The following MVB12B variants were observed in gnomAD, a reference collection of about 807,000 sequenced individuals.
MVB12B encodes multivesicular body subunit 12B, also known as ESCRT-I complex subunit MVB12B.
A neutral mutation model predicts 41.6 loss-of-function variants in MVB12B; 16 were observed. The ratio of observed to expected loss-of-function variants is 0.38; its 90% confidence interval spans 0.26 to 0.58. The LOEUF (loss-of-function observed/expected upper bound fraction) is 0.58. Among genes scored for constraint, MVB12B ranks in the 20% least tolerant of loss-of-function variants. The pLI is 0.62. For missense variants in MVB12B, 274 were observed against 380.2 expected, an observed-to-expected ratio of 0.72 and a Z score of 2.32; for synonymous variants, 133 against 139.7, an observed-to-expected ratio of 0.95 and a Z score of 0.34.
intron 6 of MVB12B, among the ~76,000 whole-genome samples, chr9:126,398,085 T>A (rs1263479909): frequency 6.6e-6 from 1 of 152,066 alleles, no homozygotes. Context: ...CTTCTGCGCC[T>A]TTGCTCCCGG....
rs568348100 is a variant in MVB12B, at chr9:126,341,982, A to C, written c.204+1352A>C. On this transcript the variant is annotated intron_variant, in intron 2 of 9. Transcript: ENST00000361171. Reference sequence around the variant, plus strand: ...GCTCATAAACATTTTAAAAGTGAAAAAGTGAAGGAAACTTTTCTGACAAAC... The same window carrying C: ...GCTCATAAACATTTTAAAAGTGAAACAGTGAAGGAAACTTTTCTGACAAAC... 5.9e-5 allele frequency among the ~76,000 whole-genome samples: 9 copies of C among 152,318 alleles called. No individual in the cohort carries two copies. In the South Asian group the frequency reaches 1.9e-3, roughly 32 times the overall value.
At chr9:126,444,548 G>A (rs1832718197) in intron 7 of MVB12B, among the ~76,000 whole-genome samples, 1 of 152,164 alleles carries the variant, frequency 6.6e-6, no homozygotes. Context: ...TGTTTGTGGA[G>A]TTGCAGGAGC....
chr9:126,428,771 G>T (rs959211684), intron 7 of MVB12B, among the ~76,000 whole-genome samples: 1 of 152,150 alleles, frequency 6.6e-6, no homozygotes, highest in Non-Finnish European at 1.5e-5. Context: ...TGTGTGGGCT[G>T]AGTGAGTGTG....
intron 7 of MVB12B, among the ~76,000 whole-genome samples, chr9:126,446,939 T>TTTTTTTTTTTTTTTTTTTTTTTTTTC: frequency 2.1e-4 from 1 of 4,680 alleles, no homozygotes; most frequent in Admixed American, 2.6e-3. Flanking sequence ...TTTAACTTTC[T>TTTTTTTTTTTTTTTTTTTTTTTTTTC]TTTTTTTTTT....
At position 126,367,723 on chromosome 9, in the gene MVB12B, A is replaced by G. The variant is rs1830221036; in HGVS notation, c.205-13341A>G. 6.6e-6 allele frequency among the ~76,000 whole-genome samples: 1 copy of G among 152,196 alleles called. No homozygotes were observed. Among genetic ancestry groups the G allele is most frequent in the Admixed American group, 6.5e-5 (1 of 15,280 alleles). On this transcript the variant is annotated intron_variant, in intron 2 of 9. Transcript: ENST00000361171. The surrounding 1 kb of genome is among the most constrained non-coding windows in gnomAD (Gnocchi z 4.3). ...TGCTTCCACACACAGTATTTATTTC[A>G]CACAATAACCCTGCCAAGTTACTAT...
At chr9:126,431,290 T>C (rs1165067529) in intron 7 of MVB12B, among the ~76,000 whole-genome samples, 1 of 152,204 alleles carries the variant, frequency 6.6e-6, no homozygotes, top group Non-Finnish European at 1.5e-5. Context: ...GTGGGCTATT[T>C]TCCGTGGCAA....
intron 5 of MVB12B, among the ~76,000 whole-genome samples, chr9:126,393,147 C>G (rs976709607): frequency 1.3e-5 from 2 of 152,232 alleles, no homozygotes; most frequent in African/African-American, 4.8e-5. Context: ...CAGGGTTTCA[C>G]TTAGGGCTCT....
At chr9:126,411,647 C>G (rs940867813) in intron 6 of MVB12B, among the ~76,000 whole-genome samples, 44 of 152,006 alleles carry the variant, frequency 2.9e-4, no homozygotes, top group African/African-American at 1.1e-3. Context: ...CAAAACGAAA[C>G]AAAAAAGAGA....
At chr9:126,426,116 G>A (rs978084601) in intron 7 of MVB12B, among the ~76,000 whole-genome samples, 4 of 152,162 alleles carry the variant, frequency 2.6e-5, no homozygotes, top group Admixed American at 1.3e-4. Context: ...GCTGCTTCAC[G>A]TTCCAATGGC....
chr9:126,334,524 C>A lies in MVB12B; in HGVS notation c.82-5984C>A, dbSNP rs375835987. Among the ~76,000 whole-genome samples the A allele has an allele frequency of 5.9e-5, 9 of 152,352 alleles. No homozygotes were observed. The East Asian group carries it at 1.5e-3, about 26-fold the overall frequency. ...CCTGGCACTGAAATTATATTAGTAT[C>A]TTTACTGTATGAGCACCGTGCCCAT... is the stretch of plus-strand genomic sequence containing the variant. On this transcript the variant is annotated intron_variant, in intron 1 of 9. Coordinates refer to ENST00000361171, the MANE Select transcript of MVB12B (RefSeq NM_033446.3).
intron 1 of MVB12B, among the ~76,000 whole-genome samples, chr9:126,334,482 G>C (rs946911649): frequency 1.3e-5 from 2 of 152,224 alleles, no homozygotes; most frequent in Admixed American, 6.5e-5. Context: ...GATGATTCTG[G>C]CAGGGGCCCC....
chr9:126,481,202 G>A (rs1833516549), intron 7 of MVB12B, 167 bp from the exon 8 acceptor site: 5 of 663,422 alleles, frequency 7.5e-6, no homozygotes, highest in South Asian at 7.3e-5. Context: ...CCTGGCAGCA[G>A]GGGTGGGACC....
At chr9:126,368,858 G>A (rs1252298626) in intron 2 of MVB12B, among the ~76,000 whole-genome samples, 1 of 152,138 alleles carries the variant, frequency 6.6e-6, no homozygotes, top group African/African-American at 2.4e-5. Context: ...ATATGTAAAT[G>A]ACTTACAGAA....
chr9:126,365,220 A>ATT (rs71377933), intron 2 of MVB12B, among the ~76,000 whole-genome samples: 3,420 of 122,542 alleles, frequency 0.028, 142 homozygotes, highest in East Asian at 0.059. Context: ...CACCCAGCTA[A>ATT]TTTTTTTTTT....
intron 1 of MVB12B, chr9:126,327,359 C>G (rs1171679961): frequency 1.0e-6 from 1 of 981,338 alleles, no homozygotes; most frequent in Non-Finnish European, 1.2e-6. Flanking sequence ...TGGGCACAGA[C>G]TGGGAACAGT....
chr9:126,455,629 C>T (rs777018433), intron 7 of MVB12B, among the ~76,000 whole-genome samples: 7 of 152,094 alleles, frequency 4.6e-5, no homozygotes, highest in South Asian at 2.1e-4. Context: ...GAACCACAGG[C>T]GTGTGCCACC....
At chr9:126,442,449 A>T (rs966321037) in intron 7 of MVB12B, among the ~76,000 whole-genome samples, 5 of 152,364 alleles carry the variant, frequency 3.3e-5, no homozygotes, top group South Asian at 2.1e-4. Flanking sequence ...GAATGGGACT[A>T]AAGTCAGTGT....
intron 2 of MVB12B, among the ~76,000 whole-genome samples, chr9:126,347,686 A>G (rs1829636764): frequency 6.6e-6 from 1 of 152,260 alleles, no homozygotes; most frequent in South Asian, 2.1e-4. Context: ...ATGGTGATAC[A>G]AGTTCAAACA....
chr9:126,463,796 AC>A (rs1564340691), intron 7 of MVB12B, among the ~76,000 whole-genome samples: 1 of 152,200 alleles, frequency 6.6e-6, no homozygotes, highest in African/African-American at 2.4e-5. Context: ...GTGCTGTGGT[AC>A]CAAGTGTCAT....
Sources: gnomAD v4.1 joint callset for allele counts (sites outside exome capture counted in the v4.1 genomes callset) on GRCh38, gnomAD v4.1.1 for gene constraint, Gnocchi (gnomAD v3.1) non-coding constraint, MANE v1.5 for transcripts, NCBI Gene and HGNC (gene_info 2026-07-23, HGNC 2026-07-21) for gene names.